The following XRCC4 variants were observed in gnomAD, a reference collection of about 807,000 sequenced individuals.
XRCC4 encodes the protein DNA repair protein XRCC4.
In XRCC4, 28 loss-of-function variants were observed where a neutral mutation model predicts 39.1. The ratio of observed to expected loss-of-function variants is 0.72; its 90% confidence interval spans 0.53 to 0.98. The LOEUF (loss-of-function observed/expected upper bound fraction) is 0.98, where lower values mean the gene tolerates loss of function less well. Ranked by LOEUF, XRCC4 falls within the 50% of genes least tolerant of loss-of-function variation. The pLI is 0.00. For synonymous variants in XRCC4, 123 were observed against 126.4 expected, an observed-to-expected ratio of 0.97 and a Z score of 0.18; for missense variants, 350 against 376.4, an observed-to-expected ratio of 0.93 and a Z score of 0.58.
intron 3 of XRCC4, among the ~76,000 whole-genome samples, chr5:83,115,165 C>T (rs1746648737): frequency 6.6e-6 from 1 of 152,060 alleles, no homozygotes; most frequent in East Asian, 1.9e-4. Flanking sequence ...GAGATTTAGG[C>T]CGGGTGCCTC....
chr5:83,144,265 C>CTGTGTGTG (rs1378988695), intron 3 of XRCC4, among the ~76,000 whole-genome samples: 1 of 68,930 alleles, frequency 1.5e-5, no homozygotes, highest in African/African-American at 4.7e-5. Context: ...AGTAATATTC[C>CTGTGTGTG]TCTGTGTGTG....
intron 7 of XRCC4, among the ~76,000 whole-genome samples, chr5:83,308,259 T>C (rs1019949928): frequency 6.6e-6 from 1 of 152,184 alleles, no homozygotes; most frequent in Admixed American, 6.5e-5. Flanking sequence ...ACTTAATCAT[T>C]CTCAGCATTC....
chr5:83,312,682 G>A (rs1225483044), intron 7 of XRCC4, among the ~76,000 whole-genome samples: 1 of 152,178 alleles, frequency 6.6e-6, no homozygotes, highest in Non-Finnish European at 1.5e-5. Flanking sequence ...GGCTTTCTCT[G>A]AGAGGAGAGG....
chr5:83,133,874 C>T (rs1747737318), intron 3 of XRCC4, among the ~76,000 whole-genome samples: 1 of 152,210 alleles, frequency 6.6e-6, no homozygotes, highest in South Asian at 2.1e-4. Context: ...TTCAGGCCAC[C>T]ACTGCATATG....
intron 1 of XRCC4, among the ~76,000 whole-genome samples, chr5:83,082,527 A>G (rs528210020): frequency 2.0e-5 from 3 of 152,330 alleles, no homozygotes; most frequent in Non-Finnish European, 4.4e-5. Context: ...AAAATAATAT[A>G]CAGAAGAATA....
intron 3 of XRCC4, among the ~76,000 whole-genome samples, chr5:83,132,128 T>A (rs7703711): frequency 6.6e-6 from 1 of 151,820 alleles, no homozygotes; most frequent in African/African-American, 2.4e-5. Context: ...TTTATTTCTC[T>A]TTCACTTATG....
chr5:83,117,154 A>G (rs2112427684), intron 3 of XRCC4, among the ~76,000 whole-genome samples: 1 of 152,090 alleles, frequency 6.6e-6, no homozygotes, highest in East Asian at 1.9e-4. Flanking sequence ...GCTACACACT[A>G]ATTTCTTTTC....
At chr5:83,129,117 T>C (rs1184595476) in intron 3 of XRCC4, among the ~76,000 whole-genome samples, 1 of 151,844 alleles carries the variant, frequency 6.6e-6, no homozygotes, top group Non-Finnish European at 1.5e-5. Context: ...AGGTCTAATG[T>C]TTAAGTCTTT....
At chr5:83,270,755 TTTCG>T (rs1754112345) in intron 7 of XRCC4, among the ~76,000 whole-genome samples, 2 of 144,376 alleles carry the variant, frequency 1.4e-5, no homozygotes, top group African/African-American at 5.5e-5. Context: ...TTATTCATTT[TTTCG>T]AAAAAAAAAA....
In XRCC4 at chr5:83,162,736, G is replaced by A. The variant is rs74875651; in HGVS notation, c.316-33034G>A. On this transcript the variant is annotated intron_variant, in intron 3 of 7. Transcript: ENST00000396027. ...CTAGAAACATAAATAAAGAACAGAT[G>A]GCAGTTCACGCCTAACAATGAATAC... Among the ~76,000 whole-genome samples, 749 of 152,158 alleles carry A rather than the reference G, an allele frequency of 4.9e-3. 3 individuals are homozygous for A. Among genetic ancestry groups the A allele is most frequent in the Non-Finnish European group, 6.8e-3 (461 of 68,016 alleles).
rs199938645 is a variant in XRCC4, at chr5:83,150,937, GT to G, written c.315+39738del. On this transcript the variant is annotated intron_variant, in intron 3 of 7. Transcript: ENST00000396027. ...AAATAGCCTATGAGGGTTTTGTTTT[GT>G]TTTGTTTTGGAGTGAATGGATTGTT... Among the ~76,000 whole-genome samples, 84 of 152,130 alleles carry G rather than the reference GT, an allele frequency of 5.5e-4. No individual in the cohort carries two copies. In the East Asian group the frequency reaches 0.014, roughly 26 times the overall value.
chr5:83,328,593 TA>T (rs367773892), intron 7 of XRCC4, among the ~76,000 whole-genome samples: 217 of 152,224 alleles, frequency 1.4e-3, no homozygotes, highest in African/African-American at 5.0e-3. Context: ...CTTTCTCCAT[TA>T]TTTGTAGTTT....
intron 3 of XRCC4, among the ~76,000 whole-genome samples, chr5:83,176,474 A>C (rs1482982964): frequency 2.6e-5 from 4 of 152,184 alleles, no homozygotes; most frequent in Non-Finnish European, 5.9e-5. Context: ...TGGAAGGCTT[A>C]TCTGTACTTT....
intron 3 of XRCC4, among the ~76,000 whole-genome samples, chr5:83,152,526 A>AG (rs1383790663): frequency 6.6e-6 from 1 of 151,400 alleles, no homozygotes; most frequent in African/African-American, 2.4e-5. Context: ...CCAGCTACTC[A>AG]GGAGGCTGAG....
chr5:83,238,532 C>A (rs1752783578), intron 6 of XRCC4, among the ~76,000 whole-genome samples: 1 of 152,052 alleles, frequency 6.6e-6, no homozygotes, highest in African/African-American at 2.4e-5. Flanking sequence ...TGAGCGAATT[C>A]TCTAGCTTGC....
At chr5:83,210,709 CAAGA>C (rs1751610440) in intron 6 of XRCC4, among the ~76,000 whole-genome samples, 1 of 152,134 alleles carries the variant, frequency 6.6e-6, no homozygotes, top group Non-Finnish European at 1.5e-5. Context: ...CATACATTCT[CAAGA>C]AAGATAGTCA....
At chr5:83,200,544 TTGAA>T (rs1352911037) in intron 4 of XRCC4, among the ~76,000 whole-genome samples, 4 of 151,936 alleles carry the variant, frequency 2.6e-5, no homozygotes, top group Non-Finnish European at 2.9e-5. Context: ...TATTTTCACT[TTGAA>T]TGTGTCATAC....
chr5:83,212,944 C>T (rs1248698170), intron 6 of XRCC4, among the ~76,000 whole-genome samples: 1 of 140,668 alleles, frequency 7.1e-6, no homozygotes, highest in Non-Finnish European at 1.5e-5. Context: ...AAAAAAAACA[C>T]CAAAATAAAA....
At chr5:83,178,043 A>G (rs879764407) in intron 3 of XRCC4, among the ~76,000 whole-genome samples, 1 of 152,090 alleles carries the variant, frequency 6.6e-6, no homozygotes, top group East Asian at 1.9e-4. Context: ...GAGCTATTTC[A>G]GATATAGAAT....
Sources: gnomAD v4.1 joint callset for allele counts (sites outside exome capture counted in the v4.1 genomes callset) on GRCh38, gnomAD v4.1.1 for gene constraint, MANE v1.5 for transcripts, NCBI Gene and HGNC (gene_info 2026-07-23, HGNC 2026-07-21) for gene names.